The following EHBP1 variants were observed in gnomAD, a reference collection of about 807,000 sequenced individuals.
The protein encoded by EHBP1 is EH domain-binding protein 1.
A neutral mutation model predicts 144.0 loss-of-function variants in EHBP1; 55 were observed. The observed-to-expected ratio is 0.38, with a 90% CI of 0.31 to 0.48. The LOEUF (loss-of-function observed/expected upper bound fraction) is 0.48. Among genes scored for constraint, EHBP1 ranks in the 20% least tolerant of loss-of-function variants. The pLI is 0.98. For missense variants in EHBP1, 1,200 were observed against 1,364.2 expected, an observed-to-expected ratio of 0.88 and a Z score of 1.90; for synonymous variants, 469 against 472.7, an observed-to-expected ratio of 0.99 and a Z score of 0.10.
intron 8 of EHBP1, among the ~76,000 whole-genome samples, chr2:62,861,124 CTTTTTTT>C (rs935207202): frequency 4.2e-5 from 4 of 94,206 alleles, no homozygotes; most frequent in Non-Finnish European, 8.1e-5. Context: ...GCTTGAGTGG[CTTTTTTT>C]TTTTTTTTTT....
intron 10 of EHBP1, among the ~76,000 whole-genome samples, chr2:62,899,455 C>T (rs1425429804): frequency 6.6e-6 from 1 of 152,098 alleles, no homozygotes; most frequent in Admixed American, 6.5e-5. Context: ...GGAATTTTTC[C>T]ATTCAGTTTT....
rs1373038669 is a variant in EHBP1 at position 62,943,768 on chromosome 2, C to T, written c.1365-34C>T. ...TAAAAACAGCTGTTTTTATCAAATA[C>T]TATATGTACCCACTGTGCTATTTTC... On this transcript the variant is annotated intron_variant, in intron 11 of 22. Coordinates refer to ENST00000431489, the MANE Select transcript of EHBP1 (RefSeq NM_001142616.3). The T allele has an allele frequency of 2.0e-6, 3 of 1,494,112 alleles. No homozygotes were observed. In the Admixed American group the frequency reaches 5.8e-5, roughly 29 times the overall value. The allele number at this position is 1,494,112 out of a possible 1,614,324, so 92.6% of individuals were successfully genotyped here.
intron 19 of EHBP1, among the ~76,000 whole-genome samples, chr2:63,034,366 A>G (rs1341230085): frequency 1.3e-5 from 2 of 151,534 alleles, no homozygotes; most frequent in African/African-American, 4.8e-5. Context: ...GGTGAAACTG[A>G]AAAAAAAATT....
intron 6 of EHBP1, among the ~76,000 whole-genome samples, chr2:62,827,396 G>A (rs867988133): frequency 6.6e-6 from 1 of 152,162 alleles, no homozygotes; most frequent in South Asian, 2.1e-4. Flanking sequence ...AGGAAACACA[G>A]GAAGAAGAGA....
intron 18 of EHBP1, 182 bp downstream of exon 18, chr2:62,994,159 A>AT (rs897846564): frequency 1.8e-5 from 7 of 383,518 alleles, no homozygotes; most frequent in East Asian, 3.9e-5. Flanking sequence ...TAATTGTCAG[A>AT]TAAAAAAAAA....
chr2:62,721,883 C>A (rs1168019996), intron 2 of EHBP1, among the ~76,000 whole-genome samples: 1 of 151,778 alleles, frequency 6.6e-6, no homozygotes, highest in African/African-American at 2.4e-5. Context: ...TAAAAATAAC[C>A]CTATTTTTAA....
intron 10 of EHBP1, among the ~76,000 whole-genome samples, chr2:62,883,743 T>G (rs2152884663): frequency 6.6e-6 from 1 of 152,248 alleles, no homozygotes; most frequent in South Asian, 2.1e-4. Flanking sequence ...GCAGGAGGAT[T>G]GCTTGAGCCT....
In EHBP1 at chr2:62,935,327, T is replaced by C. The variant is rs1212114774; in HGVS notation, c.1186-7391T>C. On this transcript the variant is annotated intron_variant, in intron 10 of 22. Transcript: ENST00000431489. ...CTGGGCGACAGAGCGAGACTCCATC[T>C]CAAAAAAAAAAAAAAAAATATATAT... 6.6e-5 allele frequency among the ~76,000 whole-genome samples: 6 copies of C among 90,526 alleles called. No homozygotes were observed. The Admixed American group carries it at 8.0e-4, about 12-fold the overall frequency. 59.4% of individuals were successfully genotyped at this position (90,526 alleles called of 152,430 possible).
intron 14 of EHBP1, among the ~76,000 whole-genome samples, chr2:62,975,558 AT>A (rs763652342): frequency 6.6e-6 from 1 of 151,764 alleles, no homozygotes; most frequent in African/African-American, 2.4e-5. Context: ...TTGCAAAGTG[AT>A]TTTTTTTATA....
At chr2:62,719,577 C>A (rs2036012410) in intron 2 of EHBP1, among the ~76,000 whole-genome samples, 1 of 152,138 alleles carries the variant, frequency 6.6e-6, no homozygotes, top group Admixed American at 6.5e-5. Flanking sequence ...TATAGTTGGT[C>A]CTCTCTGTAT....
chr2:62,981,013 G>A (rs1384110196), intron 15 of EHBP1, among the ~76,000 whole-genome samples: 1 of 146,814 alleles, frequency 6.8e-6, no homozygotes, highest in Non-Finnish European at 1.5e-5. Context: ...TGAGGCTGCA[G>A]TGAGCTTGAT....
intron 1 of EHBP1, among the ~76,000 whole-genome samples, chr2:62,676,475 G>T (rs879677830): frequency 2.6e-5 from 4 of 152,172 alleles, no homozygotes; most frequent in Admixed American, 2.0e-4. Flanking sequence ...GGCCAGTGAT[G>T]GTCACCTAAT....
chr2:63,028,504 G>A (rs1221564941), intron 19 of EHBP1, among the ~76,000 whole-genome samples: 2 of 151,838 alleles, frequency 1.3e-5, no homozygotes, highest in African/African-American at 4.8e-5. Flanking sequence ...TTCTAGGCTC[G>A]AGTGATCCTC....
At chr2:62,873,119 C>T (rs924369015) in intron 9 of EHBP1, among the ~76,000 whole-genome samples, 1 of 152,110 alleles carries the variant, frequency 6.6e-6, no homozygotes, top group African/African-American at 2.4e-5. Flanking sequence ...CACAGGAATT[C>T]CTCAGGTGAA....
At chr2:62,692,225 G>A (rs1380482330) in intron 1 of EHBP1, among the ~76,000 whole-genome samples, 3 of 152,046 alleles carry the variant, frequency 2.0e-5, no homozygotes, top group African/African-American at 7.2e-5. Context: ...CATTTTTATT[G>A]CTGAAAAATA....
At chr2:62,782,055 A>G (rs2042459394) in intron 5 of EHBP1, among the ~76,000 whole-genome samples, 1 of 152,172 alleles carries the variant, frequency 6.6e-6, no homozygotes, top group East Asian at 1.9e-4. Context: ...CTGGCCTCAA[A>G]CCCATGTCTT....
At chr2:62,976,962 G>T (rs1453428206) in intron 14 of EHBP1, among the ~76,000 whole-genome samples, 3 of 151,844 alleles carry the variant, frequency 2.0e-5, no homozygotes, top group African/African-American at 7.2e-5. Context: ...ATGTTACCAA[G>T]AATTGGTGCC....
chr2:62,713,269 T>G (rs1440665683), intron 2 of EHBP1, among the ~76,000 whole-genome samples: 1 of 151,588 alleles, frequency 6.6e-6, no homozygotes, highest in Non-Finnish European at 1.5e-5. Flanking sequence ...TTTTTTTTTT[T>G]TGAGACAGAG....
At chr2:62,893,528 T>TAAG (rs1477724265) in intron 10 of EHBP1, among the ~76,000 whole-genome samples, 1 of 152,202 alleles carries the variant, frequency 6.6e-6, no homozygotes, top group Non-Finnish European at 1.5e-5. Flanking sequence ...CTTACTAAAA[T>TAAG]AAGATTACTT....
Sources: gnomAD v4.1 joint callset for allele counts (sites outside exome capture counted in the v4.1 genomes callset) on GRCh38, gnomAD v4.1.1 for gene constraint, MANE v1.5 for transcripts, NCBI Gene and HGNC (gene_info 2026-07-23, HGNC 2026-07-21) for gene names.